Variants in ATP8A1 observed in about 807,000 individuals in gnomAD.
The protein encoded by ATP8A1 is ATPase phospholipid transporting 8A1, also known as phospholipid-transporting ATPase IA.
ATP8A1 carries 90 observed loss-of-function variants against 177.7 expected under a neutral mutation model. That is an observed-to-expected ratio of 0.51 (90% CI 0.43 to 0.60). The LOEUF is 0.60. Among genes scored for constraint, ATP8A1 ranks in the 20% least tolerant of loss-of-function variants. The pLI, the probability that ATP8A1 is intolerant of heterozygous loss-of-function variation, is 0.00. For synonymous variants in ATP8A1, 493 were observed against 485.9 expected, an observed-to-expected ratio of 1.01 and a Z score of -0.19; for missense variants, 1,072 against 1,392.8, an observed-to-expected ratio of 0.77 and a Z score of 3.67.
At chr4:42,422,388 C>T (rs1312264832) in intron 35 of ATP8A1, among the ~76,000 whole-genome samples, 3 of 152,160 alleles carry the variant, frequency 2.0e-5, no homozygotes, top group Non-Finnish European at 2.9e-5. Context: ...CCACGCCTGG[C>T]CAATTACATA....
rs75670032 is a variant in ATP8A1, at chr4:42,447,597, T to C, written c.2897-953A>G. ...CTGAATAATTAAATCATTGATACCA[T>C]TGAAAAATTAAAAATCCACGGTATA... On this transcript the variant is annotated intron_variant, in intron 30 of 36. Coordinates refer to ENST00000381668, the MANE Select transcript of ATP8A1 (RefSeq NM_006095.2). 3.7e-3 allele frequency among the ~76,000 whole-genome samples: 569 copies of C among 152,230 alleles called. 23 individuals carry two copies. In the East Asian group the frequency reaches 0.084, roughly 22 times the overall value.
chr4:42,435,858 C>T (rs1477442080), intron 33 of ATP8A1, among the ~76,000 whole-genome samples: 2 of 152,170 alleles, frequency 1.3e-5, no homozygotes, highest in African/African-American at 4.8e-5. Flanking sequence ...AATCCTGTCC[C>T]CTATCATATC....
chr4:42,425,733 G>A (rs532885910), intron 33 of ATP8A1, among the ~76,000 whole-genome samples: 9 of 152,276 alleles, frequency 5.9e-5, no homozygotes, highest in African/African-American at 2.2e-4. Context: ...GGATTGCTCC[G>A]AACAGGAGCA....
At chr4:42,646,751 T>C (rs1560559954) in intron 1 of ATP8A1, among the ~76,000 whole-genome samples, 1 of 152,208 alleles carries the variant, frequency 6.6e-6, no homozygotes, top group Admixed American at 6.5e-5. Flanking sequence ...AGCACAGCCC[T>C]AGATGGATCA....
chr4:42,616,055 T>A lies in ATP8A1; in HGVS notation c.387A>T (p.Ala129=). 6.2e-7 allele frequency: 1 copy of A among 1,612,250 alleles called. No individual in the cohort carries two copies. Among genetic ancestry groups the A allele is most frequent in the Non-Finnish European group, 8.5e-7 (1 of 1,179,302 alleles). Residue 129 remains alanine, a synonymous_variant, in exon 5 of 37, where the codon GCA becomes GCT. Coordinates refer to ENST00000381668, the MANE Select transcript of ATP8A1 (RefSeq NM_006095.2). ...EDIKRHKADN[A]VNKKQTQVLR... ...TACCTTGCGTTTGTTTCTTGTTCACTGCATTATCAGCTTTATGTCGTTTCT... is the reference window on the plus strand; with the variant it reads ...TACCTTGCGTTTGTTTCTTGTTCACAGCATTATCAGCTTTATGTCGTTTCT...
intron 20 of ATP8A1, among the ~76,000 whole-genome samples, chr4:42,537,146 A>AAAAAAAAAAAAAC (rs540584674): frequency 6.9e-6 from 1 of 145,510 alleles, no homozygotes; most frequent in Non-Finnish European, 1.5e-5. Context: ...AAAAAAAAAA[A>AAAAAAAAAAAAAC]CAAAAAAACC....
intron 1 of ATP8A1, among the ~76,000 whole-genome samples, chr4:42,631,632 T>C (rs1259387550): frequency 2.6e-5 from 4 of 152,236 alleles, no homozygotes; most frequent in South Asian, 2.1e-4. Flanking sequence ...TGTTGGCTAA[T>C]GCTTCTATTC....
intron 5 of ATP8A1, among the ~76,000 whole-genome samples, chr4:42,610,273 C>G (rs1405677603): frequency 6.6e-6 from 1 of 151,766 alleles, no homozygotes; most frequent in East Asian, 1.9e-4. Context: ...ACACAGGGTC[C>G]TACACAAGAA....
chr4:42,633,934 A>G (rs991445498), intron 1 of ATP8A1, among the ~76,000 whole-genome samples: 7 of 152,192 alleles, frequency 4.6e-5, no homozygotes, highest in Non-Finnish European at 1.5e-5. Context: ...AAAGCCCTGG[A>G]GGGGAGAATG....
chr4:42,558,762 T>C (rs1227756188), intron 15 of ATP8A1, among the ~76,000 whole-genome samples: 1 of 152,190 alleles, frequency 6.6e-6, no homozygotes, highest in Non-Finnish European at 1.5e-5. Context: ...ACTAAAGATA[T>C]GTGAAACATT....
At chr4:42,563,851 T>A (rs1052736926) in intron 15 of ATP8A1, among the ~76,000 whole-genome samples, 2 of 152,152 alleles carry the variant, frequency 1.3e-5, no homozygotes, top group Non-Finnish European at 2.9e-5. Context: ...TCCTAGCATT[T>A]TGGGAAGCCA....
chr4:42,436,073 A>G (rs772965745), intron 33 of ATP8A1, among the ~76,000 whole-genome samples: 46 of 152,184 alleles, frequency 3.0e-4, no homozygotes, highest in Non-Finnish European at 5.3e-4. Context: ...TATTTATGGA[A>G]TGAATGAATG....
intron 19 of ATP8A1, among the ~76,000 whole-genome samples, chr4:42,544,646 C>T (rs1728711083): frequency 6.6e-6 from 1 of 152,146 alleles, no homozygotes; most frequent in African/African-American, 2.4e-5. Context: ...GCAAATAACA[C>T]TGAATGGAAG....
intron 33 of ATP8A1, among the ~76,000 whole-genome samples, chr4:42,425,828 G>A (rs1288666307): frequency 6.6e-6 from 1 of 151,628 alleles, no homozygotes; most frequent in Non-Finnish European, 1.5e-5. Flanking sequence ...CAGGCCAAGT[G>A]GCCCCCACTG....
rs1712496892 is a variant in ATP8A1 at position 42,410,712 on chromosome 4, A to G, written c.*2204T>C. 6.6e-6 allele frequency: 1 copy of G among 152,144 alleles called. No homozygotes were observed. The highest frequency in any genetic ancestry group is 2.4e-5 in the African/African-American group (1 of 41,444). The allele number at this position is 152,144 out of a possible 1,614,324, so 9.4% of individuals were successfully genotyped here. A position where few individuals can be genotyped will look rare whatever the true frequency, so the allele number is the denominator to read the frequency against. ...ATGTTACACATTATCAACCGTAAGTATTCTTCTCATGTTTAAGAGCTCCAC... is the reference window on the plus strand; with the variant it reads ...ATGTTACACATTATCAACCGTAAGTGTTCTTCTCATGTTTAAGAGCTCCAC... On this transcript the variant is annotated 3_prime_UTR_variant, in exon 37 of 37. Transcript: ENST00000381668.
intron 25 of ATP8A1, among the ~76,000 whole-genome samples, chr4:42,466,174 A>G (rs1719744994): frequency 6.6e-6 from 1 of 152,216 alleles, no homozygotes; most frequent in Admixed American, 6.5e-5. Context: ...AAATTGTTCT[A>G]ACAAACAGTT....
rs1443705679 is a variant in ATP8A1, at chr4:42,547,591, A to ATT, written c.1652+1421_1652+1422insAA. ...TAGACTACTTAATGACAGTCTACAG[A>ATT]TATAATACAAATAAGCTTGGGAAAA... On this transcript the variant is annotated intron_variant, in intron 19 of 36. Coordinates refer to ENST00000381668, the MANE Select transcript of ATP8A1 (RefSeq NM_006095.2). 1.2e-4 allele frequency among the ~76,000 whole-genome samples: 18 copies of ATT among 152,228 alleles called. 1 individual carries two copies. The highest frequency in any genetic ancestry group is 1.5e-5 in the Non-Finnish European group (1 of 68,042).
At position 42,511,800 on chromosome 4, in the gene ATP8A1, T is replaced by C. The variant is rs181357867; in HGVS notation, c.1948-4646A>G. Among the ~76,000 whole-genome samples, 9 of 151,958 alleles carry C rather than the reference T, an allele frequency of 5.9e-5. No individual in the cohort carries two copies. The East Asian group carries it at 1.6e-3, about 26-fold the overall frequency. On this transcript the variant is annotated intron_variant, in intron 22 of 36. Transcript: ENST00000381668. ...CCTATTTCCATATTAGCAAACATTA[T>C]GTCAGTGCTTAGATGATGTCATTTT... is the stretch of plus-strand genomic sequence containing the variant.
At chr4:42,618,756 T>C (rs1041435121) in intron 4 of ATP8A1, among the ~76,000 whole-genome samples, 1 of 152,232 alleles carries the variant, frequency 6.6e-6, no homozygotes, top group Non-Finnish European at 1.5e-5. Context: ...TGTTAGATAG[T>C]GGTAAGTCTT....
Sources: allele counts gnomAD v4.1 joint callset (sites outside exome capture counted in the v4.1 genomes callset), GRCh38; gene constraint gnomAD v4.1.1; transcripts MANE v1.5; gene names NCBI Gene and HGNC (gene_info 2026-07-23, HGNC 2026-07-21).